Variants in FOXK1 observed in about 807,000 individuals in gnomAD.
FOXK1 encodes forkhead box protein K1.
FOXK1 carries 19 observed loss-of-function variants against 51.9 expected under a neutral mutation model. The ratio of observed to expected loss-of-function variants is 0.37; its 90% confidence interval spans 0.26 to 0.54. FOXK1 has a LOEUF of 0.54. Ranked by LOEUF, FOXK1 falls within the 20% of genes least tolerant of loss-of-function variation. The probability of loss-of-function intolerance (pLI) is 0.87; values close to 1 mark genes in which losing one functional copy is unlikely to be tolerated. For synonymous variants in FOXK1, 537 were observed against 482.6 expected (o/e 1.11, Z -1.48); for missense variants, 870 against 1,032.7 (o/e 0.84, Z 2.16).
In FOXK1 at chr7:4,749,734, T is replaced by A. The variant is rs74536607; in HGVS notation, c.747-4725T>A. ...CAGCCTCAGAGCAGAGCCAAGGGCA[T>A]TGAGGGTGGACTGGAAGGACCGCAG... On this transcript the variant is annotated intron_variant, in intron 2 of 8. Transcript: ENST00000328914. The surrounding 1 kb of genome is among the most constrained non-coding windows in gnomAD (Gnocchi z 6.0). Among the ~76,000 whole-genome samples, 3,839 of 152,240 alleles carry A rather than the reference T, an allele frequency of 0.025. 155 individuals carry two copies. Among genetic ancestry groups the A allele is most frequent in the African/African-American group, 0.088 (3,639 of 41,546 alleles).
intron 1 of FOXK1, among the ~76,000 whole-genome samples, chr7:4,720,573 C>G (rs977900701): frequency 6.6e-6 from 1 of 152,178 alleles, no homozygotes; most frequent in African/African-American, 2.4e-5. Context: ...AGCCTGTGGC[C>G]AACTTCGATG....
chr7:4,696,249 T>G (rs1401249978), intron 1 of FOXK1, among the ~76,000 whole-genome samples: 1 of 152,068 alleles, frequency 6.6e-6, no homozygotes, highest in East Asian at 1.9e-4. Context: ...TCTAGGAGAT[T>G]CTGATGGATA....
rs1255964754 is a variant in FOXK1, at chr7:4,722,669, C to A, written c.561-18169C>A. Among the ~76,000 whole-genome samples the A allele has an allele frequency of 2.6e-5, 4 of 152,232 alleles. No homozygotes were observed. The highest frequency in any genetic ancestry group is 2.1e-4 in the South Asian group (1 of 4,836). On this transcript the variant is annotated intron_variant, in intron 1 of 8. Transcript: ENST00000328914. The surrounding 1 kb of genome is among the most constrained non-coding windows in gnomAD (Gnocchi z 5.1). ...AGTGTTTTCTGAGAAACGGGATTTT[C>A]CTTGGGTGAAACGAGGAAGTCGTAG... is the stretch of plus-strand genomic sequence containing the variant.
rs1583210268 is a variant in FOXK1 at position 4,753,561 on chromosome 7, T to G, written c.747-898T>G. Among the ~76,000 whole-genome samples, 1 of 152,068 alleles carries G rather than the reference T, an allele frequency of 6.6e-6. No homozygotes were observed. Among genetic ancestry groups the G allele is most frequent in the Admixed American group, 6.6e-5 (1 of 15,262 alleles). On this transcript the variant is annotated intron_variant, in intron 2 of 8. Transcript: ENST00000328914. The surrounding 1 kb of genome is among the most constrained non-coding windows in gnomAD (Gnocchi z 4.9). ...GGGTCCATCTCAGGACGGGGCTAGG[T>G]GGGTGCCCGTGAGCTCAGGACAGTG...
At chr7:4,728,355 C>T (rs1291465337) in intron 1 of FOXK1, among the ~76,000 whole-genome samples, 17 of 152,188 alleles carry the variant, frequency 1.1e-4, no homozygotes, top group Non-Finnish European at 4.4e-5. Context: ...CCTCAGTCCT[C>T]GGGGTTGTCC....
rs1426045252 is a variant in FOXK1 at position 4,682,846 on chromosome 7, C to T, written c.538C>T (p.Pro180Ser). 1.3e-6 allele frequency: 2 copies of T among 1,559,796 alleles called. No individual in the cohort carries two copies. Among genetic ancestry groups the T allele is most frequent in the Non-Finnish European group, 1.7e-6 (2 of 1,158,690 alleles). The change falls in exon 1 of 9, where the codon CCC becomes TCC. Residue 180 changes from proline (P) to serine (S), a missense_variant. Coordinates refer to ENST00000328914, the MANE Select transcript of FOXK1 (RefSeq NM_001037165.2). This position sits in a 1 kb window ranked among gnomAD's most constrained non-coding sequence, Gnocchi z 7.6. ...VDGAFQRRGA[P>S]ALQLPKQCTF... ...CGGGGCCTTCCAGAGACGCGGCGCG[C>T]CCGCCCTGCAGCTGCCCAAGCAGTG...
rs1448535612 is a variant in FOXK1, at chr7:4,769,324, C to G, written c.*6860C>G. 6.6e-6 allele frequency: 1 copy of G among 152,234 alleles called. No homozygotes were observed. Among genetic ancestry groups the G allele is most frequent in the African/African-American group, 2.4e-5 (1 of 41,456 alleles). 9.4% of individuals were successfully genotyped at this position (152,234 alleles called of 1,614,324 possible). Reference sequence around the variant, plus strand: ...AACACTGGCTGCGGAGGGCCCCCCGCCCCCATCCCGCTTCAGGCCCCAGTG... The same window carrying G: ...AACACTGGCTGCGGAGGGCCCCCCGGCCCCATCCCGCTTCAGGCCCCAGTG... On this transcript the variant is annotated 3_prime_UTR_variant, in exon 9 of 9. Coordinates refer to ENST00000328914, the MANE Select transcript of FOXK1 (RefSeq NM_001037165.2). This position sits in a 1 kb window ranked among gnomAD's most constrained non-coding sequence, Gnocchi z 4.1.
intron 1 of FOXK1, among the ~76,000 whole-genome samples, chr7:4,737,921 C>T (rs1156356402): frequency 3.3e-5 from 5 of 151,826 alleles, no homozygotes; most frequent in African/African-American, 1.2e-4. Flanking sequence ...TCGGGAGTTC[C>T]AGACCAGCCT....
Position 4,732,934 on chromosome 7 carries a change from C to T in FOXK1, c.561-7904C>T, listed in dbSNP as rs574622615. On this transcript the variant is annotated intron_variant, in intron 1 of 8. Coordinates refer to ENST00000328914, the MANE Select transcript of FOXK1 (RefSeq NM_001037165.2). ...TACCTATTGTGAATTGATCTCTGGACGCTGACCCAACTCTAGAACTTCGCT... is the reference window on the plus strand; with the variant it reads ...TACCTATTGTGAATTGATCTCTGGATGCTGACCCAACTCTAGAACTTCGCT... Among the ~76,000 whole-genome samples, 4 of 152,320 alleles carry T rather than the reference C, an allele frequency of 2.6e-5. No individual in the cohort carries two copies. The South Asian group carries it at 8.3e-4, about 32-fold the overall frequency.
At chr7:4,760,489 A>G (rs1780917116) in intron 7 of FOXK1, among the ~76,000 whole-genome samples, 1 of 152,220 alleles carries the variant, frequency 6.6e-6, no homozygotes, top group South Asian at 2.1e-4. Context: ...AATCAGGATC[A>G]TTTCATTCCA....
At chr7:4,705,184 T>G (rs936298958) in intron 1 of FOXK1, among the ~76,000 whole-genome samples, 2 of 152,014 alleles carry the variant, frequency 1.3e-5, no homozygotes, top group Admixed American at 6.6e-5. Context: ...AGTCAGAATT[T>G]TATTGTTTTG....
At chr7:4,691,866 C>T (rs1386048432) in intron 1 of FOXK1, among the ~76,000 whole-genome samples, 1 of 152,152 alleles carries the variant, frequency 6.6e-6, no homozygotes, top group Non-Finnish European at 1.5e-5. Flanking sequence ...CTAACCTGTT[C>T]CCCTAAGTGT....
Position 4,755,766 on chromosome 7 carries a change from T to C in FOXK1, c.1050+383T>C, listed in dbSNP as rs1780838695. 6.6e-6 allele frequency among the ~76,000 whole-genome samples: 1 copy of C among 152,294 alleles called. No homozygotes were observed. The highest frequency in any genetic ancestry group is 1.5e-5 in the Non-Finnish European group (1 of 68,008). On this transcript the variant is annotated intron_variant, in intron 4 of 8. Transcript: ENST00000328914. This position sits in a 1 kb window ranked among gnomAD's most constrained non-coding sequence, Gnocchi z 6.6. ...AAAAATATCTTTTTAACTAAGAAGA[T>C]AAATATAAAAGAGGGATGTTTTCAC...
chr7:4,700,328 C>CA (rs1562370745), intron 1 of FOXK1, among the ~76,000 whole-genome samples: 1 of 152,142 alleles, frequency 6.6e-6, no homozygotes, highest in African/African-American at 2.4e-5. Context: ...GATCTGAATG[C>CA]AAAAATAACC....
rs1283216267 is a variant in FOXK1, at chr7:4,753,950, C to T, written c.747-509C>T. 1.3e-5 allele frequency among the ~76,000 whole-genome samples: 2 copies of T among 152,206 alleles called. No individual in the cohort carries two copies. The highest frequency in any genetic ancestry group is 2.9e-5 in the Non-Finnish European group (2 of 68,028). Reference sequence around the variant, plus strand: ...CCGAGGGCGGTGTCTCCAGGAGAGCCACCTGCCACGCCTTCACCCTGCAGG... The same window carrying T: ...CCGAGGGCGGTGTCTCCAGGAGAGCTACCTGCCACGCCTTCACCCTGCAGG... On this transcript the variant is annotated intron_variant, in intron 2 of 8. Coordinates refer to ENST00000328914, the MANE Select transcript of FOXK1 (RefSeq NM_001037165.2). The surrounding 1 kb of genome is among the most constrained non-coding windows in gnomAD (Gnocchi z 4.9).
chr7:4,706,016 A>ATATATACGTG, intron 1 of FOXK1, among the ~76,000 whole-genome samples: 1 of 77,368 alleles, frequency 1.3e-5, no homozygotes, highest in Non-Finnish European at 2.3e-5. Context: ...ATATATACGT[A>ATATATACGTG]TATATACGTG....
At position 4,694,060 on chromosome 7, in the gene FOXK1, A is replaced by AT. The variant is rs1370945225; in HGVS notation, c.560+11198dup. Among the ~76,000 whole-genome samples the AT allele has an allele frequency of 6.1e-5, 9 of 147,928 alleles. No individual in the cohort carries two copies. The South Asian group carries it at 8.7e-4, about 14-fold the overall frequency. ...ATGCCTGGCTAATTTTCTTTTTATT[A>AT]TTTTTTATAGAGACCAGTGTCTCAC... On this transcript the variant is annotated intron_variant, in intron 1 of 8. Coordinates refer to ENST00000328914, the MANE Select transcript of FOXK1 (RefSeq NM_001037165.2).
chr7:4,758,683 G>A lies in FOXK1; in HGVS notation c.1245-368G>A. The A allele has an allele frequency of 4.2e-6, 1 of 238,380 alleles. No homozygotes were observed. Among genetic ancestry groups the A allele is most frequent in the Non-Finnish European group, 8.1e-6 (1 of 123,746 alleles). 14.8% of individuals were successfully genotyped at this position (238,380 alleles called of 1,614,324 possible). On this transcript the variant is annotated intron_variant, in intron 5 of 8. Coordinates refer to ENST00000328914, the MANE Select transcript of FOXK1 (RefSeq NM_001037165.2). The surrounding 1 kb of genome is among the most constrained non-coding windows in gnomAD (Gnocchi z 4.4). ...ACCCCTCTCGGGTAGAGTTTTCATG[G>A]TGGAACGGTTGCGCCCACCAAACAG...
At position 4,754,769 on chromosome 7, in the gene FOXK1, G is replaced by A. The variant is rs922465805; in HGVS notation, c.903+154G>A. On this transcript the variant is annotated intron_variant, in intron 3 of 8. Transcript: ENST00000328914. ...TGGAGCCGCAGCTGGCGGTAGAGCC[G>A]TCGGCCCTTTCTCGTTTTCGTGCCC... The A allele has an allele frequency of 3.3e-4, 325 of 985,038 alleles. 1 individual carries two copies. Among genetic ancestry groups the A allele is most frequent in the Non-Finnish European group, 3.6e-4 (250 of 686,616 alleles). 61.0% of individuals were successfully genotyped at this position (985,038 alleles called of 1,614,324 possible).
Sources: allele counts gnomAD v4.1 joint callset (sites outside exome capture counted in the v4.1 genomes callset), GRCh38; gene constraint gnomAD v4.1.1; non-coding constraint Gnocchi (gnomAD v3.1); transcripts MANE v1.5; gene names NCBI Gene and HGNC (gene_info 2026-07-23, HGNC 2026-07-21).